KCNJ3: variants seen among roughly 807,000 people sequenced by gnomAD.
KCNJ3 encodes G protein-activated inward rectifier potassium channel 1.
KCNJ3 carries 4 observed loss-of-function variants against 39.2 expected under a neutral mutation model. The ratio of observed to expected loss-of-function variants is 0.10; its 90% CI spans 0.05 to 0.23. The LOEUF (loss-of-function observed/expected upper bound fraction) is 0.23, where lower values mean the gene tolerates loss of function less well. Ranked by LOEUF, KCNJ3 falls within the 10% of genes least tolerant of loss-of-function variation. KCNJ3 has a pLI of 1.00. For synonymous variants in KCNJ3, 230 were observed against 237.4 expected (o/e 0.97, Z 0.29); for missense variants, 276 against 634.9 (o/e 0.43, Z 6.08).
At chr2:154,831,605 A>G (rs1574478707) in intron 2 of KCNJ3, among the ~76,000 whole-genome samples, 1 of 152,292 alleles carries the variant, frequency 6.6e-6, no homozygotes, top group East Asian at 1.9e-4. Context: ...CATTGAGGGA[A>G]AACAGGCAAT....
chr2:154,735,044 T>G (rs930275498), intron 2 of KCNJ3, among the ~76,000 whole-genome samples: 5 of 150,892 alleles, frequency 3.3e-5, no homozygotes, highest in African/African-American at 1.2e-4. Flanking sequence ...TTTAGCTATC[T>G]AGACTTTCCA....
intron 2 of KCNJ3, among the ~76,000 whole-genome samples, chr2:154,738,055 T>C (rs1458248256): frequency 6.6e-6 from 1 of 152,160 alleles, no homozygotes; most frequent in Non-Finnish European, 1.5e-5. Context: ...TGGACACTTA[T>C]TTTGCTTCCA....
intron 2 of KCNJ3, among the ~76,000 whole-genome samples, chr2:154,794,891 C>A (rs1255416105): frequency 6.6e-6 from 1 of 151,910 alleles, no homozygotes; most frequent in Non-Finnish European, 1.5e-5. Flanking sequence ...TAAAAGAAAG[C>A]CTACTACTCG....
intron 1 of KCNJ3, among the ~76,000 whole-genome samples, chr2:154,702,941 A>G (rs1168747028): frequency 6.6e-6 from 1 of 151,986 alleles, no homozygotes; most frequent in East Asian, 1.9e-4. Context: ...CTAAGTTAAT[A>G]TGTCATCCAA....
intron 2 of KCNJ3, among the ~76,000 whole-genome samples, chr2:154,800,448 A>G (rs924660752): frequency 6.6e-6 from 1 of 152,218 alleles, no homozygotes; most frequent in Non-Finnish European, 1.5e-5. Context: ...TCGGCACTCC[A>G]TTCTCTTTCT....
chr2:154,834,370 A>G (rs1433659012), intron 2 of KCNJ3, among the ~76,000 whole-genome samples: 1 of 152,176 alleles, frequency 6.6e-6, no homozygotes, highest in Non-Finnish European at 1.5e-5. Flanking sequence ...TCTTTTGCCC[A>G]TATTTTATTG....
intron 2 of KCNJ3, among the ~76,000 whole-genome samples, chr2:154,836,968 A>G (rs1421165056): frequency 6.6e-6 from 1 of 152,208 alleles, no homozygotes; most frequent in Non-Finnish European, 1.5e-5. Flanking sequence ...AACAATTTTA[A>G]AATTGTCAGG....
intron 2 of KCNJ3, among the ~76,000 whole-genome samples, chr2:154,823,692 T>C: frequency 6.6e-6 from 1 of 152,164 alleles, no homozygotes; most frequent in African/African-American, 2.4e-5. Context: ...TTAAGTGGTG[T>C]CCCCAATCTT....
intron 1 of KCNJ3, 42 bp from the exon 2 acceptor site, chr2:154,709,561 T>G (rs199712102): frequency 6.3e-7 from 1 of 1,594,096 alleles, no homozygotes; most frequent in Non-Finnish European, 8.6e-7. Flanking sequence ...AAATTTTCAG[T>G]ACAAGTGGTG....
At position 154,855,412 on chromosome 2, in the gene KCNJ3, C is replaced by T. The variant is rs1687819736; in HGVS notation, c.*99C>T. The T allele has an allele frequency of 3.7e-6, 3 of 820,638 alleles. No homozygotes were observed. Among genetic ancestry groups the T allele is most frequent in the Non-Finnish European group, 5.7e-6 (3 of 529,082 alleles). The allele number at this position is 820,638 out of a possible 1,614,324, so 50.8% of individuals were successfully genotyped here. On this transcript the variant is annotated 3_prime_UTR_variant, in exon 3 of 3. Coordinates refer to ENST00000295101, the MANE Select transcript of KCNJ3 (RefSeq NM_002239.4). ...CCTAAGGAATCTGAAAGTATATTTTCCTCCCAGTTCTACAAGCATATTTGA... is the reference window on the plus strand; with the variant it reads ...CCTAAGGAATCTGAAAGTATATTTTTCTCCCAGTTCTACAAGCATATTTGA...
In KCNJ3 at chr2:154,842,036, G is replaced by A. The variant is rs140702834; in HGVS notation, c.920-12691G>A. On this transcript the variant is annotated intron_variant, in intron 2 of 2. Transcript: ENST00000295101. ...TAGTTCTTTTAATTCTGATGTTAGG[G>A]TGTCGATCTTAGATCTTTCCTGCTT... 2.8e-3 allele frequency among the ~76,000 whole-genome samples: 428 copies of A among 152,098 alleles called. 4 individuals carry two copies. The highest frequency in any genetic ancestry group is 0.01 in the African/African-American group (421 of 41,460).
chr2:154,756,725 C>T (rs1685943059), intron 2 of KCNJ3, among the ~76,000 whole-genome samples: 2 of 151,714 alleles, frequency 1.3e-5, no homozygotes, highest in Admixed American at 6.6e-5. Flanking sequence ...CAGACCTGCA[C>T]GTCCTGCACA....
intron 2 of KCNJ3, among the ~76,000 whole-genome samples, chr2:154,739,062 A>G (rs1574442109): frequency 6.6e-6 from 1 of 152,068 alleles, no homozygotes; most frequent in East Asian, 1.9e-4. Flanking sequence ...TAATTAAGAA[A>G]AAATAACTTT....
At chr2:154,832,278 A>C (rs1036488644) in intron 2 of KCNJ3, among the ~76,000 whole-genome samples, 1 of 152,164 alleles carries the variant, frequency 6.6e-6, no homozygotes, top group Non-Finnish European at 1.5e-5. Flanking sequence ...TATGAAATCA[A>C]ATGTATGAAA....
At chr2:154,799,279 A>G (rs891177507) in intron 2 of KCNJ3, among the ~76,000 whole-genome samples, 3 of 152,044 alleles carry the variant, frequency 2.0e-5, no homozygotes, top group Admixed American at 6.6e-5. Flanking sequence ...AGCTGGGGTT[A>G]TAGGTGTGCG....
chr2:154,797,977 T>C (rs924347800), intron 2 of KCNJ3, among the ~76,000 whole-genome samples: 5 of 152,138 alleles, frequency 3.3e-5, no homozygotes, highest in African/African-American at 9.7e-5. Flanking sequence ...TTTATACTTA[T>C]TGAACAATTC....
intron 1 of KCNJ3, among the ~76,000 whole-genome samples, chr2:154,700,110 A>G (rs1334607320): frequency 6.6e-6 from 1 of 152,204 alleles, no homozygotes; most frequent in Non-Finnish European, 1.5e-5. Context: ...TTTTATTTTT[A>G]CTAAATATTT....
intron 2 of KCNJ3, among the ~76,000 whole-genome samples, chr2:154,772,077 G>T (rs1204313274): frequency 6.6e-6 from 1 of 152,142 alleles, no homozygotes; most frequent in Non-Finnish European, 1.5e-5. Context: ...AAGATCTGTT[G>T]TCAAGATGCT....
chr2:154,836,997 A>G (rs991967154), intron 2 of KCNJ3, among the ~76,000 whole-genome samples: 1 of 152,206 alleles, frequency 6.6e-6, no homozygotes, highest in African/African-American at 2.4e-5. Flanking sequence ...GATACAGTGT[A>G]TTTTAAAGGT....
Sources: gnomAD v4.1 joint callset for allele counts (sites outside exome capture counted in the v4.1 genomes callset) on GRCh38, gnomAD v4.1.1 for gene constraint, MANE v1.5 for transcripts, NCBI Gene and HGNC (gene_info 2026-07-23, HGNC 2026-07-21) for gene names.